GPRC6A: variants seen among roughly 807,000 people sequenced by gnomAD.
GPRC6A encodes the protein G protein-coupled receptor class C group 6 member A.
Under a neutral mutation model 47.0 loss-of-function variants are expected in GPRC6A, and 54 were observed. That is an observed-to-expected ratio of 1.15 (90% CI 0.92 to 1.44). The LOEUF (loss-of-function observed/expected upper bound fraction) is 1.44. GPRC6A is among the 40% of genes most tolerant of loss of function. The pLI is 0.00. For synonymous variants in GPRC6A, 347 were observed against 377.1 expected (o/e 0.92, Z 0.93); for missense variants, 1,112 against 1,105.5 (o/e 1.01, Z -0.08).
At chr6:116,823,259 T>C (rs569897298) in intron 1 of GPRC6A, among the ~76,000 whole-genome samples, 1 of 152,298 alleles carries the variant, frequency 6.6e-6, no homozygotes, top group Middle Eastern at 3.4e-3. Context: ...AATTCTTGAC[T>C]GCTTTGCTGC....
At chr6:116,820,746 A>G (rs1355895001) in intron 1 of GPRC6A, among the ~76,000 whole-genome samples, 1 of 151,544 alleles carries the variant, frequency 6.6e-6, no homozygotes, top group African/African-American at 2.4e-5. Context: ...ACCCACAGCC[A>G]ATATCATACT....
chr6:116,817,952 ACT>A (rs1214069661), intron 1 of GPRC6A, among the ~76,000 whole-genome samples: 10 of 151,904 alleles, frequency 6.6e-5, no homozygotes, highest in Admixed American at 2.0e-4. Flanking sequence ...GTTGGAAAAC[ACT>A]CTGCAGGATA....
intron 2 of GPRC6A, among the ~76,000 whole-genome samples, chr6:116,807,845 T>C (rs1772904268): frequency 6.6e-6 from 1 of 152,184 alleles, no homozygotes; most frequent in South Asian, 2.1e-4. Context: ...CCTGATGAAG[T>C]CAAATAAATA....
chr6:116,812,845 A>G (rs1231508110), intron 1 of GPRC6A, among the ~76,000 whole-genome samples: 2 of 152,228 alleles, frequency 1.3e-5, no homozygotes, highest in African/African-American at 4.8e-5. Context: ...ACATGACTGT[A>G]TGTTTAGAAA....
At chr6:116,800,480 T>C (rs1189612603) in intron 4 of GPRC6A, 104 bp downstream of exon 4, 11 of 732,294 alleles carry the variant, frequency 1.5e-5, no homozygotes, top group Non-Finnish European at 2.2e-5. Context: ...TTAACAGGGA[T>C]TGTGTTTGGC....
chr6:116,792,678 T>A lies in GPRC6A; in HGVS notation c.2245A>T (p.Ile749Leu), dbSNP rs746180574. The A allele has an allele frequency of 2.5e-6, 4 of 1,613,360 alleles. No homozygotes were observed. Among genetic ancestry groups the A allele is most frequent in the Non-Finnish European group, 3.4e-6 (4 of 1,179,536 alleles). Residue 749 changes from isoleucine to leucine, a missense_variant, in exon 6 of 6, where the codon ATA becomes TTA. Ile to Leu is a conservative substitution (Grantham distance 5, BLOSUM62 2). Transcript: ENST00000310357. Reference sequence around the variant, plus strand: ...CCCAGCATGGTGCCAAATGCAAGTATGGATCCCTCCTCACACTCCAGGATG... The same window carrying A: ...CCCAGCATGGTGCCAAATGCAAGTAAGGATCCCTCCTCACACTCCAGGATG... ...VIILECEEGS[I>L]LAFGTMLGYI...
intron 1 of GPRC6A, among the ~76,000 whole-genome samples, chr6:116,824,731 A>T (rs933315686): frequency 6.6e-6 from 1 of 152,036 alleles, no homozygotes; most frequent in African/African-American, 2.4e-5. Flanking sequence ...AATTCTCTCT[A>T]ACTCATTCTA....
intron 1 of GPRC6A, among the ~76,000 whole-genome samples, chr6:116,821,858 A>G (rs1773495372): frequency 6.6e-6 from 1 of 151,086 alleles, no homozygotes; most frequent in South Asian, 2.1e-4. Context: ...AAATTGACAA[A>G]TGGGATCTAA....
chr6:116,813,386 C>T (rs1160318635), intron 1 of GPRC6A, among the ~76,000 whole-genome samples: 3 of 152,180 alleles, frequency 2.0e-5, no homozygotes, highest in African/African-American at 7.2e-5. Context: ...ACCAAAACAG[C>T]ATGGTACTGG....
intron 3 of GPRC6A, among the ~76,000 whole-genome samples, chr6:116,804,157 A>T (rs1030217468): frequency 1.3e-5 from 2 of 152,066 alleles, no homozygotes; most frequent in Non-Finnish European, 2.9e-5. Flanking sequence ...AAACAAAAAA[A>T]CCGAAATCTC....
chr6:116,816,853 A>G lies in GPRC6A; in HGVS notation c.195-7236T>C, dbSNP rs556488239. On this transcript the variant is annotated intron_variant, in intron 1 of 5. Transcript: ENST00000310357. ...CAGGCTTAAAAAACGGCGCACTACG[A>G]GATTATATCCCGCACCTGGCTCAGA... Among the ~76,000 whole-genome samples, 22 of 152,286 alleles carry G rather than the reference A, an allele frequency of 1.4e-4. No individual in the cohort carries two copies. In the South Asian group the frequency reaches 3.1e-3, roughly 22 times the overall value.
At chr6:116,802,986 G>A (rs1231128170) in intron 3 of GPRC6A, among the ~76,000 whole-genome samples, 2 of 151,998 alleles carry the variant, frequency 1.3e-5, no homozygotes, top group Non-Finnish European at 2.9e-5. Context: ...GGACTAATAT[G>A]CAACTACCTT....
intron 5 of GPRC6A, 42 bp downstream of exon 5, chr6:116,795,670 T>A: frequency 1.4e-6 from 2 of 1,466,466 alleles, no homozygotes; most frequent in South Asian, 3.0e-5. Flanking sequence ...AAAAAAAGCC[T>A]AAGAGGAATG....
chr6:116,817,065 G>C (rs1245816115), intron 1 of GPRC6A, among the ~76,000 whole-genome samples: 1 of 152,156 alleles, frequency 6.6e-6, no homozygotes, highest in African/African-American at 2.4e-5. Flanking sequence ...TGCCTCTGTA[G>C]GCTCCACCTC....
At chr6:116,828,732 A>T in intron 1 of GPRC6A, 88 bp downstream of exon 1, 2 of 1,067,552 alleles carry the variant, frequency 1.9e-6, no homozygotes, top group Non-Finnish European at 2.7e-6. Flanking sequence ...TTTTTAAATG[A>T]TTTAGATATT....
In GPRC6A at chr6:116,807,096, A is replaced by C. The variant is rs1288707263; in HGVS notation, c.609T>G (p.Ile203Met). 6.2e-7 allele frequency: 1 copy of C among 1,613,728 alleles called. No homozygotes were observed. Among genetic ancestry groups the C allele is most frequent in the African/African-American group, 1.3e-5 (1 of 75,020 alleles). ...CAATCCAGTTCCAACCAGATTTCTGAATCAGGTGAGCCATTGCTTTAATTT... is the reference window on the plus strand; with the variant it reads ...CAATCCAGTTCCAACCAGATTTCTGCATCAGGTGAGCCATTGCTTTAATTT... ...FHQIKAMAHL[I>M]QKSGWNWIGI... Residue 203 changes from isoleucine to methionine, a missense_variant, in exon 3 of 6, where the codon ATT becomes ATG. By Grantham distance (10) the Ile-to-Met change is conservative (BLOSUM62 1). Coordinates refer to ENST00000310357, the MANE Select transcript of GPRC6A (RefSeq NM_148963.4).
chr6:116,811,565 A>T (rs931561913), intron 1 of GPRC6A, among the ~76,000 whole-genome samples: 3 of 152,158 alleles, frequency 2.0e-5, no homozygotes, highest in African/African-American at 2.4e-5. Flanking sequence ...GATTCTAAAG[A>T]AGGATAGTGA....
In GPRC6A at chr6:116,792,146, A is replaced by T; in HGVS notation, c.2777T>A (p.Ile926Lys). 6.2e-7 allele frequency: 1 copy of T among 1,611,152 alleles called. No individual in the cohort carries two copies. The highest frequency in any genetic ancestry group is 8.5e-7 in the Non-Finnish European group (1 of 1,178,320). ...GTGGCATCTCCTAAGGCTTATTCATATACTTGACATTCTTTTTCGAGGCAA... is the reference window on the plus strand; with the variant it reads ...GTGGCATCTCCTAAGGCTTATTCATTTACTTGACATTCTTTTTCGAGGCAA... ...KTLPRKRMSS[I>K] Residue 926 changes from isoleucine to lysine, a missense_variant, in exon 6 of 6, where the codon ATA becomes AAA. Coordinates refer to ENST00000310357, the MANE Select transcript of GPRC6A (RefSeq NM_148963.4).
At chr6:116,822,368 C>T (rs1773520584) in intron 1 of GPRC6A, among the ~76,000 whole-genome samples, 1 of 126,228 alleles carries the variant, frequency 7.9e-6, no homozygotes, top group East Asian at 2.1e-4. Flanking sequence ...TGGGTATATA[C>T]CCAAAGGATT....
Sources: allele counts gnomAD v4.1 joint callset (sites outside exome capture counted in the v4.1 genomes callset), GRCh38; gene constraint gnomAD v4.1.1; transcripts MANE v1.5; gene names NCBI Gene and HGNC (gene_info 2026-07-23, HGNC 2026-07-21).